Variants in THOC2 observed in about 807,000 individuals in gnomAD.
THOC2 encodes the protein THO complex 2.
A neutral mutation model predicts 128.4 loss-of-function variants in THOC2; 10 were observed. That is an observed-to-expected ratio of 0.08 (90% CI 0.05 to 0.13). The LOEUF is 0.13. THOC2 is among the 10% of genes least tolerant of loss of function. The pLI is 1.00. For missense variants in THOC2, 535 were observed against 1,155.7 expected, an observed-to-expected ratio of 0.46 and a Z score of 7.79; for synonymous variants, 393 against 396.9, an observed-to-expected ratio of 0.99 and a Z score of 0.12.
At chrX:123,663,635 T>A (rs1189017533) in intron 12 of THOC2, among the ~76,000 whole-genome samples, 1 of 110,246 alleles carries the variant, frequency 9.1e-6, no homozygotes, top group African/African-American at 3.3e-5. Context: ...TTTTTTTTTT[T>A]TATACTTCAA....
chrX:123,703,611 G>T, intron 3 of THOC2, 106 bp from the exon 4 acceptor site: 1 of 494,488 alleles, frequency 2.0e-6, no homozygotes, highest in Non-Finnish European at 3.3e-6. Flanking sequence ...AAAATGGCTG[G>T]GAGCAGTGGC....
chrX:123,660,939 G>C (rs2048798688), intron 12 of THOC2, among the ~76,000 whole-genome samples: 4 of 111,624 alleles, frequency 3.6e-5, no homozygotes, highest in African/African-American at 1.3e-4. Flanking sequence ...AATGAATAAA[G>C]AAAATGTGGT....
intron 1 of THOC2, among the ~76,000 whole-genome samples, chrX:123,714,378 A>G: frequency 8.9e-6 from 1 of 112,471 alleles, no homozygotes; most frequent in Admixed American, 9.5e-5. Context: ...AATGTTAGCC[A>G]AGAGAGAACA....
chrX:123,682,374 T>A (rs752830289), intron 8 of THOC2, among the ~76,000 whole-genome samples: 1 of 111,546 alleles, frequency 9.0e-6, no homozygotes, highest in Non-Finnish European at 1.9e-5. Context: ...CTCTGTGATC[T>A]CATCCCCCAC....
chrX:123,713,716 C>T (rs944805140), intron 1 of THOC2, among the ~76,000 whole-genome samples: 1 of 108,776 alleles, frequency 9.2e-6, no homozygotes, highest in Non-Finnish European at 1.9e-5. Context: ...GGCATGGTGG[C>T]TCATGCTTGC....
intron 12 of THOC2, among the ~76,000 whole-genome samples, chrX:123,651,541 G>A (rs2048355926): frequency 9.0e-6 from 1 of 111,339 alleles, no homozygotes; most frequent in South Asian, 3.8e-4. Context: ...TAACAAAATA[G>A]ACTGCTAGCC....
intron 10 of THOC2, among the ~76,000 whole-genome samples, 176 bp from the exon 11 acceptor site, chrX:123,667,454 C>T (rs1189271162): frequency 8.9e-6 from 1 of 111,780 alleles, no homozygotes; most frequent in Non-Finnish European, 1.9e-5. Context: ...GAAAAAACAT[C>T]AGGGCCAGGC....
Position 123,624,047 on chromosome X carries a change from A to ATTT in THOC2, c.3318+10_3318+12dup. The ATTT allele has an allele frequency of 9.2e-7, 1 of 1,081,459 alleles. No individual in the cohort carries two copies. Among genetic ancestry groups the ATTT allele is most frequent in the Non-Finnish European group, 1.2e-6 (1 of 810,993 alleles). The allele number at this position is 1,081,459 out of a possible 1,213,427, so 89.1% of individuals were successfully genotyped here. The stretch of plus-strand genomic sequence containing the variant: ...GAAAAATTTGCCTTTGAAAAATCCA[A>ATTT]TTTTTTTTTTACCTTGGTTAGTTTG... On this transcript the variant is annotated intron_variant, in intron 27 of 38. Transcript: ENST00000245838.
rs144059993 is a variant in THOC2, at chrX:123,628,945, T to C, written c.2482-977A>G. Reference sequence around the variant, plus strand: ...TTTTTCTGTGAAAAGCTGTGGTATATTGAAGTTTAAAGCATGTGAGAACTG... The same window carrying C: ...TTTTTCTGTGAAAAGCTGTGGTATACTGAAGTTTAAAGCATGTGAGAACTG... On this transcript the variant is annotated intron_variant, in intron 22 of 38. Coordinates refer to ENST00000245838, the MANE Select transcript of THOC2 (RefSeq NM_001081550.2). 9.9e-4 allele frequency among the ~76,000 whole-genome samples: 108 copies of C among 109,050 alleles called. 2 individuals are homozygous for C. The East Asian group carries it at 0.027, about 27-fold the overall frequency. 94.7% of individuals were successfully genotyped at this position (109,050 alleles called of 115,157 possible). A position where few individuals can be genotyped will look rare whatever the true frequency, so the allele number is the denominator to read the frequency against.
rs1328938947 is a variant in THOC2, at chrX:123,622,794, T to C, written c.3749A>G (p.Lys1250Arg). The C allele has an allele frequency of 8.3e-7, 1 of 1,201,738 alleles. No individual in the cohort carries two copies. ...AVNKASSTTP[K>R]GNSSNGNSGS... ...ACTATTTCCATTGCTTGAATTCCCT[T>C]TAGGTGTGGTACTAGAAGCTTTATT... Residue 1250 changes from lysine to arginine, a missense_variant, in exon 30 of 39, where the codon AAA becomes AGA. This residue lies in a region of THOC2 where 116 missense variants were observed against 180.0 expected (regional missense o/e 0.64). Coordinates refer to ENST00000245838, the MANE Select transcript of THOC2 (RefSeq NM_001081550.2).
At chrX:123,693,609 C>A (rs1429464765) in intron 7 of THOC2, among the ~76,000 whole-genome samples, 1 of 111,124 alleles carries the variant, frequency 9.0e-6, no homozygotes, top group Non-Finnish European at 1.9e-5. Flanking sequence ...ATAGATTATA[C>A]AAGAATAGAG....
intron 1 of THOC2, among the ~76,000 whole-genome samples, chrX:123,726,905 G>A (rs745381230): frequency 1.8e-4 from 20 of 111,710 alleles, no homozygotes; most frequent in Middle Eastern, 4.7e-3. Flanking sequence ...TAGTATAAAA[G>A]AGGTATTCCT....
intron 1 of THOC2, among the ~76,000 whole-genome samples, chrX:123,730,848 A>ACT (rs1294756755): frequency 2.7e-5 from 3 of 112,148 alleles, no homozygotes. Flanking sequence ...GGAGGCTGAG[A>ACT]CAGGAGAATC....
chrX:123,643,627 A>T (rs1033647678), intron 15 of THOC2, among the ~76,000 whole-genome samples: 1 of 109,984 alleles, frequency 9.1e-6, no homozygotes, highest in Non-Finnish European at 1.9e-5. Context: ...AAACTCCCCC[A>T]AGTGAAATCA....
intron 7 of THOC2, among the ~76,000 whole-genome samples, chrX:123,690,744 G>A (rs1201194816): frequency 8.9e-6 from 1 of 111,921 alleles, no homozygotes. Flanking sequence ...TGGACCTTAG[G>A]AGACAAAGAA....
At chrX:123,629,017 A>T (rs1409450827) in intron 22 of THOC2, among the ~76,000 whole-genome samples, 1 of 109,773 alleles carries the variant, frequency 9.1e-6, no homozygotes, top group Non-Finnish European at 1.9e-5. Flanking sequence ...ATTTGGGGGA[A>T]AAAACAGAGG....
intron 19 of THOC2, 152 bp from the exon 20 acceptor site, chrX:123,634,222 C>T (rs1202070035): frequency 1.1e-5 from 4 of 354,451 alleles, no homozygotes; most frequent in Non-Finnish European, 1.9e-5. Flanking sequence ...ATTCCTAGAA[C>T]TATATTGACA....
chrX:123,638,943 C>T lies in THOC2; in HGVS notation c.1831G>A (p.Val611Ile), dbSNP rs2047798087. 2 of 1,136,349 alleles carry T rather than the reference C, an allele frequency of 1.8e-6. No individual in the cohort carries two copies. The highest frequency in any genetic ancestry group is 3.1e-5 in the East Asian group (1 of 32,700). The allele number at this position is 1,136,349 out of a possible 1,213,427, so 93.6% of individuals were successfully genotyped here. ...TCACTTGAAAGGATACAGGCCAAGA[C>T]ATCATAATTCAGTGAAGTGAGGTAT... Reference protein sequence around the residue: ...LKYLTSLNYDVLAYCIIEALA... With the variant: ...LKYLTSLNYDILAYCIIEALA... The change falls in exon 17 of 39, where the codon GTC (valine) becomes ATC (isoleucine). Residue 611 changes from valine to isoleucine, a missense_variant. This residue lies in a region of THOC2 where 197 missense variants were observed against 313.4 expected (regional missense o/e 0.63). Transcript: ENST00000245838.
At chrX:123,614,544 AAAAAAAAG>A (rs1788969358) in intron 33 of THOC2, among the ~76,000 whole-genome samples, 1 of 110,176 alleles carries the variant, frequency 9.1e-6, no homozygotes, top group African/African-American at 3.3e-5. Flanking sequence ...ACTGTTTAAA[AAAAAAAAG>A]AAAAAGAAAA....
Sources: allele counts gnomAD v4.1 joint callset (sites outside exome capture counted in the v4.1 genomes callset), GRCh38; gene constraint gnomAD v4.1.1; regional missense constraint gnomAD v4.1.1; transcripts MANE v1.5; gene names NCBI Gene and HGNC (gene_info 2026-07-23, HGNC 2026-07-21).